Variants in AUH observed in about 807,000 individuals in gnomAD.
The protein encoded by AUH is AU RNA binding methylglutaconyl-CoA hydratase, also known as methylglutaconyl-CoA hydratase, mitochondrial.
In AUH, 29 loss-of-function variants were observed where a neutral mutation model predicts 42.3. That is an observed-to-expected ratio of 0.69 (90% confidence interval 0.51 to 0.93). AUH has a LOEUF of 0.93. Ranked by LOEUF, AUH falls within the 40% of genes least tolerant of loss-of-function variation. AUH has a pLI of 0.00. For synonymous variants in AUH, 174 were observed against 166.4 expected (o/e 1.05, Z -0.35); for missense variants, 452 against 438.1 (o/e 1.03, Z -0.28).
At chr9:91,357,450 T>A in intron 1 of AUH, 1 of 942,312 alleles carries the variant, frequency 1.1e-6, no homozygotes, top group Non-Finnish European at 1.3e-6. Flanking sequence ...TAAGACTAGA[T>A]GTGTCCATTC....
At chr9:91,311,109 A>C (rs1418800023) in intron 4 of AUH, among the ~76,000 whole-genome samples, 1 of 152,246 alleles carries the variant, frequency 6.6e-6, no homozygotes, top group Non-Finnish European at 1.5e-5. Context: ...ATTCAGTTAT[A>C]CAAAGATATT....
At chr9:91,261,014 T>C (rs1005035479) in intron 6 of AUH, among the ~76,000 whole-genome samples, 1 of 152,184 alleles carries the variant, frequency 6.6e-6, no homozygotes, top group East Asian at 1.9e-4. Flanking sequence ...TTTTATATCT[T>C]CCATTTCTCT....
At chr9:91,253,195 T>C (rs1320476018) in intron 6 of AUH, among the ~76,000 whole-genome samples, 4 of 152,178 alleles carry the variant, frequency 2.6e-5, no homozygotes, top group Non-Finnish European at 5.9e-5. Flanking sequence ...CAAGGGAAAT[T>C]TGAAAAAATT....
At chr9:91,234,814 A>G (rs1471561155) in intron 6 of AUH, among the ~76,000 whole-genome samples, 1 of 148,876 alleles carries the variant, frequency 6.7e-6, no homozygotes, top group African/African-American at 2.5e-5. Flanking sequence ...TTACACAGAG[A>G]ATTTCAGGCA....
rs200564356 is a variant in AUH at position 91,361,750 on chromosome 9, G to A, written c.140C>T (p.Pro47Leu). ...PGSLAGRRAG[P>L]AIWAQGWVPA... ...TACCCAGCCCTGGGCCCAGATCGCC[G>A]GGCCCGCTCGCCGGCCTGCCAACGA... The change falls in exon 1 of 10, where the codon CCG becomes CTG. Residue 47 changes from proline (P) to leucine (L), a missense_variant. Coordinates refer to ENST00000375731, the MANE Select transcript of AUH (RefSeq NM_001698.3). 1.1e-4 allele frequency: 176 copies of A among 1,544,756 alleles called. 1 individual carries two copies. In the African/African-American group the frequency reaches 1.8e-3, roughly 16 times the overall value.
At chr9:91,284,192 G>A (rs1248398768) in intron 6 of AUH, among the ~76,000 whole-genome samples, 2 of 152,002 alleles carry the variant, frequency 1.3e-5, no homozygotes, top group African/African-American at 4.8e-5. Flanking sequence ...TGACAAACCT[G>A]ACAAAAACAA....
chr9:91,277,034 T>A (rs1303236800), intron 6 of AUH, among the ~76,000 whole-genome samples: 3 of 151,952 alleles, frequency 2.0e-5, no homozygotes, highest in Non-Finnish European at 4.4e-5. Flanking sequence ...AAAATTTTTT[T>A]AAAAAACCAG....
intron 3 of AUH, among the ~76,000 whole-genome samples, chr9:91,346,860 T>TAAAA (rs79801569): frequency 2.1e-4 from 27 of 130,472 alleles, no homozygotes; most frequent in East Asian, 6.5e-4. Flanking sequence ...ACTCAGAATT[T>TAAAA]AAAAAAAAAA....
intron 7 of AUH, among the ~76,000 whole-genome samples, chr9:91,219,744 A>G (rs1827026543): frequency 6.6e-6 from 1 of 152,244 alleles, no homozygotes; most frequent in Non-Finnish European, 1.5e-5. Context: ...GGTGCATACC[A>G]GCAGAGTGGG....
chr9:91,256,174 G>A (rs1766265997), intron 6 of AUH, among the ~76,000 whole-genome samples: 1 of 152,146 alleles, frequency 6.6e-6, no homozygotes, highest in African/African-American at 2.4e-5. Flanking sequence ...TACCCAGACT[G>A]TAGCAATTAA....
chr9:91,329,107 A>G (rs986684174), intron 3 of AUH, among the ~76,000 whole-genome samples: 4 of 152,108 alleles, frequency 2.6e-5, no homozygotes, highest in Non-Finnish European at 4.4e-5. Context: ...CCACTGTATG[A>G]ACATATAAAC....
chr9:91,281,917 C>T (rs578162504), intron 6 of AUH, among the ~76,000 whole-genome samples: 2 of 152,282 alleles, frequency 1.3e-5, no homozygotes, highest in East Asian at 3.9e-4. Flanking sequence ...CTGCTCCTAA[C>T]ACAGTGATGA....
Position 91,216,464 on chromosome 9 carries a change from G to A in AUH, c.895-358C>T, listed in dbSNP as rs527789204. On this transcript the variant is annotated intron_variant, in intron 8 of 9. Coordinates refer to ENST00000375731, the MANE Select transcript of AUH (RefSeq NM_001698.3). ...GACACACACACACACACACACACAC[G>A]ATGCTTAATACATAGTAAGGGCTAT... Among the ~76,000 whole-genome samples the A allele has an allele frequency of 4.6e-3, 670 of 146,906 alleles. 3 individuals carry two copies. Among genetic ancestry groups the A allele is most frequent in the African/African-American group, 0.016 (631 of 39,652 alleles).
chr9:91,356,306 C>G (rs902577354), intron 1 of AUH, 151 bp from the exon 2 acceptor site: 2 of 711,292 alleles, frequency 2.8e-6, no homozygotes, highest in Admixed American at 2.4e-5. Context: ...TCTTAAGCAC[C>G]AAGATAATTT....
intron 3 of AUH, among the ~76,000 whole-genome samples, chr9:91,340,797 A>G (rs537914066): frequency 6.6e-6 from 1 of 152,338 alleles, no homozygotes; most frequent in East Asian, 1.9e-4. Flanking sequence ...ACAAACAGAG[A>G]AAACTGGAGT....
At chr9:91,326,020 C>T (rs1382104087) in intron 3 of AUH, among the ~76,000 whole-genome samples, 3 of 152,034 alleles carry the variant, frequency 2.0e-5, no homozygotes, top group Non-Finnish European at 4.4e-5. Context: ...AGCACAGAAT[C>T]GTAACTTTGG....
intron 3 of AUH, chr9:91,343,212 T>C (rs1401258308): frequency 1.3e-5 from 2 of 152,048 alleles, no homozygotes; most frequent in Admixed American, 1.3e-4. Flanking sequence ...TCTCCTAACC[T>C]CTCATGTTGC....
chr9:91,267,892 G>A (rs545091043), intron 6 of AUH, among the ~76,000 whole-genome samples: 37 of 152,052 alleles, frequency 2.4e-4, no homozygotes, highest in Admixed American at 1.0e-3. Context: ...AGATGACAAC[G>A]CGGATTTGCT....
At chr9:91,222,558 T>C (rs140263052) in intron 6 of AUH, among the ~76,000 whole-genome samples, 182 of 152,328 alleles carry the variant, frequency 1.2e-3, no homozygotes, top group African/African-American at 2.0e-3. Flanking sequence ...CTGAAGACAA[T>C]GAATTATTGA....
Sources: gnomAD v4.1 joint callset for allele counts (sites outside exome capture counted in the v4.1 genomes callset) on GRCh38, gnomAD v4.1.1 for gene constraint, MANE v1.5 for transcripts, NCBI Gene and HGNC (gene_info 2026-07-23, HGNC 2026-07-21) for gene names.